PIP5K1C: variants seen among roughly 807,000 people sequenced by gnomAD.
PIP5K1C encodes phosphatidylinositol-4-phosphate 5-kinase type 1 gamma, also known as phosphatidylinositol 4-phosphate 5-kinase type-1 gamma.
A neutral mutation model predicts 80.1 loss-of-function variants in PIP5K1C; 45 were observed. That is an observed-to-expected ratio of 0.56 (90% confidence interval 0.44 to 0.72). The LOEUF (loss-of-function observed/expected upper bound fraction) is 0.72, where lower values mean the gene tolerates loss of function less well. Among genes scored for constraint, PIP5K1C ranks in the 30% least tolerant of loss-of-function variants. PIP5K1C has a pLI of 0.00. For missense variants in PIP5K1C, 753 were observed against 954.6 expected, an observed-to-expected ratio of 0.79 and a Z score of 2.78; for synonymous variants, 498 against 420.1, an observed-to-expected ratio of 1.19 and a Z score of -2.27.
chr19:3,657,358 C>A (rs1014892478), intron 5 of PIP5K1C, among the ~76,000 whole-genome samples: 1 of 152,220 alleles, frequency 6.6e-6, no homozygotes, highest in African/African-American at 2.4e-5. Flanking sequence ...TGCTACCCTG[C>A]GTCTTCCGGG....
At chr19:3,665,689 G>A (rs1007357790) in intron 2 of PIP5K1C, among the ~76,000 whole-genome samples, 2 of 152,084 alleles carry the variant, frequency 1.3e-5, no homozygotes, top group Admixed American at 6.5e-5. Context: ...GGTCAGGCCC[G>A]GCTCCTGCAA....
At position 3,637,332 on chromosome 19, in the gene PIP5K1C, G is replaced by T. The variant is rs530832943; in HGVS notation, c.1920+1552C>A. 16 of 1,532,672 alleles carry T rather than the reference G, an allele frequency of 1.0e-5. No individual in the cohort carries two copies. Among genetic ancestry groups the T allele is most frequent in the Non-Finnish European group, 1.4e-5 (16 of 1,145,254 alleles). 94.9% of individuals were successfully genotyped at this position (1,532,672 alleles called of 1,614,324 possible). The stretch of plus-strand genomic sequence containing the variant: ...GGAGCGCCCGGTTCGACGTGGGACC[G>T]AATGACATTCCCAGTGACGCATGCA... On this transcript the variant is annotated intron_variant, in intron 16 of 17. Coordinates refer to ENST00000335312, the MANE Select transcript of PIP5K1C (RefSeq NM_012398.3). The surrounding 1 kb of genome is among the most constrained non-coding windows in gnomAD (Gnocchi z 7.0).
At position 3,653,229 on chromosome 19, in the gene PIP5K1C, G is replaced by A. The variant is rs555811303; in HGVS notation, c.921+61C>T. ...CTCCCTGGCCCTGCCTGCCCAGGCC[G>A]AGCCCTCACCACGCAGTCCCACCTG... On this transcript the variant is annotated intron_variant, in intron 7 of 17. Transcript: ENST00000335312. 1,577 of 1,528,520 alleles carry A rather than the reference G, an allele frequency of 1.0e-3. 8 individuals carry two copies. The Middle Eastern group carries it at 0.011, about 11-fold the overall frequency. The allele number at this position is 1,528,520 out of a possible 1,614,324, so 94.7% of individuals were successfully genotyped here.
intron 3 of PIP5K1C, among the ~76,000 whole-genome samples, chr19:3,662,737 T>C (rs960057405): frequency 1.3e-5 from 2 of 152,148 alleles, no homozygotes; most frequent in Non-Finnish European, 2.9e-5. Context: ...GGCTAATTTT[T>C]GTATTTTTAG....
chr19:3,688,771 CGA>C lies in PIP5K1C; in HGVS notation c.94+11524_94+11525del, dbSNP rs1290956394. Among the ~76,000 whole-genome samples, 1 of 151,652 alleles carries C rather than the reference CGA, an allele frequency of 6.6e-6. No individual in the cohort carries two copies. Among genetic ancestry groups the C allele is most frequent in the African/African-American group, 2.4e-5 (1 of 41,270 alleles). On this transcript the variant is annotated intron_variant, in intron 1 of 17. Coordinates refer to ENST00000335312, the MANE Select transcript of PIP5K1C (RefSeq NM_012398.3). This position sits in a 1 kb window ranked among gnomAD's most constrained non-coding sequence, Gnocchi z 5.3. ...GAGGAGAGTGGGGGGAGAACGAGAGCGAGAGACACACCGAGCTGGTGGGCCGG... is the reference window on the plus strand; with the variant it reads ...GAGGAGAGTGGGGGGAGAACGAGAGCGAGACACACCGAGCTGGTGGGCCGG...
At chr19:3,634,889 G>A (rs764928007) in intron 16 of PIP5K1C, among the ~76,000 whole-genome samples, 1 of 152,268 alleles carries the variant, frequency 6.6e-6, no homozygotes, top group Non-Finnish European at 1.5e-5. Context: ...CATCGCGGAG[G>A]ACTGACTCCT....
At chr19:3,683,282 T>C (rs2035646228) in intron 1 of PIP5K1C, among the ~76,000 whole-genome samples, 1 of 152,156 alleles carries the variant, frequency 6.6e-6, no homozygotes, top group Non-Finnish European at 1.5e-5. Context: ...CCTGCGACAG[T>C]GTCCTCCTCC....
intron 9 of PIP5K1C, among the ~76,000 whole-genome samples, chr19:3,647,982 C>T (rs552405508): frequency 6.6e-6 from 1 of 152,080 alleles, no homozygotes; most frequent in African/African-American, 2.4e-5. Flanking sequence ...AACAAATATT[C>T]GAGCCCCAAA....
At chr19:3,659,661 C>A (rs1274937068) in intron 5 of PIP5K1C, among the ~76,000 whole-genome samples, 1 of 151,982 alleles carries the variant, frequency 6.6e-6, no homozygotes, top group South Asian at 2.1e-4. Flanking sequence ...TGGGCCTTGG[C>A]GACACGACCC....
intron 9 of PIP5K1C, among the ~76,000 whole-genome samples, chr19:3,647,941 T>C (rs2034298134): frequency 2.0e-5 from 3 of 152,340 alleles, no homozygotes; most frequent in South Asian, 2.1e-4. Context: ...AGCGAGACTT[T>C]GTCTTAAAAC....
intron 1 of PIP5K1C, among the ~76,000 whole-genome samples, chr19:3,700,042 T>A (rs898430844): frequency 1.3e-5 from 2 of 151,972 alleles, no homozygotes; most frequent in Non-Finnish European, 2.9e-5. Context: ...AGAACGGGGA[T>A]CCCCAGCGGC....
chr19:3,640,800 C>G (rs1282528525), intron 15 of PIP5K1C, among the ~76,000 whole-genome samples: 11 of 151,608 alleles, frequency 7.3e-5, no homozygotes, highest in Admixed American at 7.2e-4. Context: ...CATTCTCCTG[C>G]CTCAGCCTCC....
chr19:3,683,781 G>A (rs976219600), intron 1 of PIP5K1C, among the ~76,000 whole-genome samples: 1 of 152,146 alleles, frequency 6.6e-6, no homozygotes, highest in African/African-American at 2.4e-5. Flanking sequence ...AGGCCCCGGG[G>A]CAGGACCGTG....
At chr19:3,680,461 T>C (rs1333607653) in intron 1 of PIP5K1C, among the ~76,000 whole-genome samples, 2 of 152,106 alleles carry the variant, frequency 1.3e-5, no homozygotes. Flanking sequence ...TCCGCCACTA[T>C]TCTCAGCTAA....
In PIP5K1C at chr19:3,696,847, G is replaced by A. The variant is rs1361103016; in HGVS notation, c.94+3450C>T. The stretch of plus-strand genomic sequence containing the variant: ...GGAGGTGGGAGCCATGGAGGGCTGC[G>A]AGCAGAGGAGGGTCGGGACTCGGGC... On this transcript the variant is annotated intron_variant, in intron 1 of 17. Transcript: ENST00000335312. The surrounding 1 kb of genome is among the most constrained non-coding windows in gnomAD (Gnocchi z 4.1). Among the ~76,000 whole-genome samples the A allele has an allele frequency of 2.0e-5, 3 of 152,192 alleles. No individual in the cohort carries two copies. The highest frequency in any genetic ancestry group is 2.9e-5 in the Non-Finnish European group (2 of 68,034).
At chr19:3,690,424 G>A (rs150543620) in intron 1 of PIP5K1C, among the ~76,000 whole-genome samples, 49 of 151,688 alleles carry the variant, frequency 3.2e-4, no homozygotes, top group African/African-American at 1.0e-3. Context: ...TCGAGGCTGC[G>A]GTGAGCTACA....
At chr19:3,694,861 C>A (rs73919329) in intron 1 of PIP5K1C, among the ~76,000 whole-genome samples, 18,697 of 152,222 alleles carry the variant, frequency 0.12, 1,639 homozygotes, top group Admixed American at 0.25. Context: ...CACTCATCAC[C>A]GCCCAACGCA....
intron 1 of PIP5K1C, among the ~76,000 whole-genome samples, chr19:3,684,432 T>C (rs1377443115): frequency 1.3e-5 from 2 of 152,174 alleles, no homozygotes; most frequent in African/African-American, 2.4e-5. Context: ...GCCAATCACA[T>C]GATGCAGAAG....
intron 11 of PIP5K1C, among the ~76,000 whole-genome samples, chr19:3,644,819 G>A (rs1167030836): frequency 6.6e-6 from 1 of 152,018 alleles, no homozygotes; most frequent in Admixed American, 6.5e-5. Flanking sequence ...CCTCAGTGCT[G>A]TGTGAGCTCT....
Sources: allele counts gnomAD v4.1 joint callset (sites outside exome capture counted in the v4.1 genomes callset), GRCh38; gene constraint gnomAD v4.1.1; non-coding constraint Gnocchi (gnomAD v3.1); transcripts MANE v1.5; gene names NCBI Gene and HGNC (gene_info 2026-07-23, HGNC 2026-07-21).